The following ELANE variants were observed in gnomAD, a reference collection of about 807,000 sequenced individuals.
The protein encoded by ELANE is elastase, neutrophil expressed.
A neutral mutation model predicts 20.6 loss-of-function variants in ELANE; 12 were observed. The observed-to-expected ratio is 0.58, with a 90% CI of 0.37 to 0.94. The LOEUF (loss-of-function observed/expected upper bound fraction) is 0.94. Ranked by LOEUF, ELANE falls within the 40% of genes least tolerant of loss-of-function variation. The pLI is 0.01. For missense variants in ELANE, 388 were observed against 395.2 expected (o/e 0.98, Z 0.15); for synonymous variants, 203 against 177.4 (o/e 1.14, Z -1.15).
In ELANE at chr19:853,325, G is replaced by A. The variant is rs1428927567; in HGVS notation, c.288G>A (p.Arg96=). 6.2e-7 allele frequency: 1 copy of A among 1,610,874 alleles called. No individual in the cohort carries two copies. The highest frequency in any genetic ancestry group is 1.7e-5 in the Admixed American group (1 of 59,894). ...AHNLSRREPT[R]QVFAVQRIFE... ...ACCTCTCGCGGCGGGAGCCCACCCG[G>A]CAGGTGTTCGCCGTGCAGCGCATCT... The change falls in exon 3 of 5, where the codon CGG becomes CGA. Residue 96 remains arginine (R), a synonymous_variant. Coordinates refer to ENST00000263621, the MANE Select transcript of ELANE (RefSeq NM_001972.4).
intron 3 of ELANE, among the ~76,000 whole-genome samples, chr19:854,687 A>G (rs2035647697): frequency 6.8e-6 from 1 of 146,260 alleles, no homozygotes; most frequent in African/African-American, 2.5e-5. Flanking sequence ...ATAAATATAT[A>G]TTTTATTTAA....
In ELANE at chr19:856,008, C is replaced by T. The variant is rs765795333; in HGVS notation, c.648C>T (p.Ala216=). The T allele has an allele frequency of 4.3e-6, 7 of 1,613,420 alleles. No individual in the cohort carries two copies. In the East Asian group the frequency reaches 1.6e-4, roughly 36 times the overall value. The change falls in exon 5 of 5, where the codon GCC becomes GCT. Residue 216 remains alanine (A), a synonymous_variant. Transcript: ENST00000263621. ...LVCNGLIHGI[A]SFVRGGCASG... ...GCAACGGGCTAATCCACGGAATTGC[C>T]TCCTTCGTCCGGGGAGGCTGCGCCT...
rs2035659660 is a variant in ELANE, at chr19:855,299, T to C, written c.367-265T>C. On this transcript the variant is annotated intron_variant, in intron 3 of 4. Coordinates refer to ENST00000263621, the MANE Select transcript of ELANE (RefSeq NM_001972.4). The surrounding 1 kb of genome is among the most constrained non-coding windows in gnomAD (Gnocchi z 6.2). ...AGCCACCGCGCCCGGCTGTAGTTTT[T>C]TTGTTAACTGAGCACCTACTGCTTC... Among the ~76,000 whole-genome samples, 1 of 152,162 alleles carries C rather than the reference T, an allele frequency of 6.6e-6. No homozygotes were observed. Among genetic ancestry groups the C allele is most frequent in the African/African-American group, 2.4e-5 (1 of 41,448 alleles).
chr19:853,235 T>C, intron 2 of ELANE, 27 bp from the exon 3 acceptor site: 2 of 1,566,324 alleles, frequency 1.3e-6, no homozygotes, highest in Non-Finnish European at 1.7e-6. Flanking sequence ...GGGCCGCCCC[T>C]GAGCCCCGCC....
rs1380068567 is a variant in ELANE, at chr19:855,717, G to A, written c.520G>A (p.Val174Met). The A allele has an allele frequency of 7.5e-6, 12 of 1,609,674 alleles. No homozygotes were observed. The highest frequency in any genetic ancestry group is 1.0e-5 in the Non-Finnish European group (12 of 1,179,946). ...GIASVLQELN[V>M]TVVTSLCRRS... ...CGCCAGCGTCCTGCAGGAGCTCAAC[G>A]TGACGGTGGTGACGTCCCTCTGCCG... The change falls in exon 4 of 5, where the codon GTG (valine) becomes ATG (methionine). Residue 174 changes from valine to methionine, a missense_variant. Transcript: ENST00000263621. The surrounding 1 kb of genome is among the most constrained non-coding windows in gnomAD (Gnocchi z 6.2).
intron 3 of ELANE, among the ~76,000 whole-genome samples, chr19:854,317 G>A (rs2033878136): frequency 6.6e-6 from 1 of 151,906 alleles, no homozygotes; most frequent in Non-Finnish European, 1.5e-5. Flanking sequence ...GTGTGGTTGT[G>A]GGTGCCTGTA....
chr19:853,486 G>C lies in ELANE; in HGVS notation c.366+83G>C, dbSNP rs973474491. On this transcript the variant is annotated intron_variant, in intron 3 of 4. Transcript: ENST00000263621. ...GAGGCTGCGACGGAGGGGCGCGTCGGGGCCGCTCGTGGGGACCTGGGGTGG... is the reference window on the plus strand; with the variant it reads ...GAGGCTGCGACGGAGGGGCGCGTCGCGGCCGCTCGTGGGGACCTGGGGTGG... 18 of 1,499,882 alleles carry C rather than the reference G, an allele frequency of 1.2e-5. No homozygotes were observed. In the South Asian group the frequency reaches 2.0e-4, roughly 16 times the overall value. The allele number at this position is 1,499,882 out of a possible 1,614,324, so 92.9% of individuals were successfully genotyped here.
chr19:855,523 GC>G lies in ELANE; in HGVS notation c.367-37del, dbSNP rs2035662257. The G allele has an allele frequency of 6.3e-7, 1 of 1,586,018 alleles. No homozygotes were observed. The highest frequency in any genetic ancestry group is 8.5e-7 in the Non-Finnish European group (1 of 1,171,618). ...CGGAGAGGGGAGGGTCATCATCACT[GC>G]CCCGTGTGACGCGCTGACGATCTGT... On this transcript the variant is annotated intron_variant, in intron 3 of 4. Coordinates refer to ENST00000263621, the MANE Select transcript of ELANE (RefSeq NM_001972.4). This position sits in a 1 kb window ranked among gnomAD's most constrained non-coding sequence, Gnocchi z 6.2.
At chr19:852,474 G>A in intron 1 of ELANE, 79 bp downstream of exon 1, 1 of 1,521,456 alleles carries the variant, frequency 6.6e-7, no homozygotes, top group Admixed American at 1.9e-5. Context: ...GGCCCCACCA[G>A]TGTGGGTCCC....
At position 855,536 on chromosome 19, in the gene ELANE, C is replaced by G. The variant is rs140527601; in HGVS notation, c.367-28C>G. ...GTCATCATCACTGCCCCGTGTGACG[C>G]GCTGACGATCTGTCCCCACCGCCAC... On this transcript the variant is annotated intron_variant, in intron 3 of 4. Transcript: ENST00000263621. The surrounding 1 kb of genome is among the most constrained non-coding windows in gnomAD (Gnocchi z 6.2). 1.3e-6 allele frequency: 2 copies of G among 1,594,554 alleles called. No individual in the cohort carries two copies. Among genetic ancestry groups the G allele is most frequent in the African/African-American group, 2.7e-5 (2 of 74,828 alleles).
At chr19:852,786 G>C in intron 1 of ELANE, 90 bp from the exon 2 acceptor site, 1 of 1,503,528 alleles carries the variant, frequency 6.7e-7, no homozygotes, top group Non-Finnish European at 8.8e-7. Flanking sequence ...GGATCCCGTG[G>C]GTTCCTGGTG....
rs1258334813 is a variant in ELANE at position 853,410 on chromosome 19, C to T, written c.366+7C>T. 1 of 1,595,634 alleles carries T rather than the reference C, an allele frequency of 6.3e-7. No individual in the cohort carries two copies. The highest frequency in any genetic ancestry group is 1.1e-5 in the South Asian group (1 of 88,864). ...CGACATCGTGATTCTCCAGGTGCCGCCGGGCGGGGCGGGGGGCGCAGGGGC... is the reference window on the plus strand; with the variant it reads ...CGACATCGTGATTCTCCAGGTGCCGTCGGGCGGGGCGGGGGGCGCAGGGGC... On this transcript the variant is annotated splice_region_variant and intron_variant, in intron 3 of 4. Coordinates refer to ENST00000263621, the MANE Select transcript of ELANE (RefSeq NM_001972.4).
rs2035672360 is a variant in ELANE, at chr19:855,899, C to A, written c.598-59C>A. On this transcript the variant is annotated intron_variant, in intron 4 of 4. Transcript: ENST00000263621. The surrounding 1 kb of genome is among the most constrained non-coding windows in gnomAD (Gnocchi z 6.2). ...GGAGGGACTTCCCAACCCTGACAGG[C>A]GGCGGGCAGGTGGGCAGGGCCTCGC... 1.2e-6 allele frequency: 2 copies of A among 1,608,218 alleles called. No individual in the cohort carries two copies. Among genetic ancestry groups the A allele is most frequent in the African/African-American group, 1.3e-5 (1 of 74,894 alleles).
At position 853,042 on chromosome 19, in the gene ELANE, C is replaced by A; in HGVS notation, c.224+10C>A. ...ACTGCGTGGCGAATGTGTGAGTAGC[C>A]GGGAGTGTGCGCGCCCGGCTCGGAC... On this transcript the variant is annotated intron_variant, in intron 2 of 4. Coordinates refer to ENST00000263621, the MANE Select transcript of ELANE (RefSeq NM_001972.4). 9 of 1,449,150 alleles carry A rather than the reference C, an allele frequency of 6.2e-6. No individual in the cohort carries two copies. The highest frequency in any genetic ancestry group is 8.2e-6 in the Non-Finnish European group (9 of 1,093,884). 89.8% of individuals were successfully genotyped at this position (1,449,150 alleles called of 1,614,324 possible).
At position 853,257 on chromosome 19, in the gene ELANE, G is replaced by C. The variant is rs200503891; in HGVS notation, c.225-5G>C. 2 of 1,587,844 alleles carry C rather than the reference G, an allele frequency of 1.3e-6. No individual in the cohort carries two copies. The highest frequency in any genetic ancestry group is 1.4e-5 in the African/African-American group (1 of 73,800). On this transcript the variant is annotated splice_polypyrimidine_tract_variant and splice_region_variant and intron_variant, in intron 2 of 4. Coordinates refer to ENST00000263621, the MANE Select transcript of ELANE (RefSeq NM_001972.4). ...CCCTGAGCCCCGCCTCTCCCTCCCC[G>C]GCAGAAACGTCCGCGCGGTGCGGGT... is the stretch of plus-strand genomic sequence containing the variant.
At chr19:852,421 C>A (rs770926518) in intron 1 of ELANE, 26 bp downstream of exon 1, 1 of 1,602,732 alleles carries the variant, frequency 6.2e-7, no homozygotes, top group Non-Finnish European at 8.5e-7. Flanking sequence ...CAACCTCCCG[C>A]TGCTCCCTCT....
At chr19:853,627 C>T (rs1276435447) in intron 3 of ELANE, among the ~76,000 whole-genome samples, 3 of 152,160 alleles carry the variant, frequency 2.0e-5, no homozygotes, top group Non-Finnish European at 4.4e-5. Context: ...AGGCCCCGAT[C>T]TGCTGTCAAT....
chr19:852,775 G>C, intron 1 of ELANE, 101 bp from the exon 2 acceptor site: 2 of 1,471,356 alleles, frequency 1.4e-6, no homozygotes, highest in Non-Finnish European at 1.8e-6. Flanking sequence ...TTCCCGGTGG[G>C]GGATCCCGTG....
rs561507239 is a variant in ELANE, at chr19:855,869, C to T, written c.597+75C>T. The T allele has an allele frequency of 1.0e-5, 16 of 1,604,630 alleles. No homozygotes were observed. In the African/African-American group the frequency reaches 2.0e-4, roughly 20 times the overall value. ...TGCAGCAACAGGCACCGTGGCTAGA[C>T]CCTAGGAGGGACTTCCCAACCCTGA... On this transcript the variant is annotated intron_variant, in intron 4 of 4. Coordinates refer to ENST00000263621, the MANE Select transcript of ELANE (RefSeq NM_001972.4). The surrounding 1 kb of genome is among the most constrained non-coding windows in gnomAD (Gnocchi z 6.2).
Sources: gnomAD v4.1 joint callset for allele counts (sites outside exome capture counted in the v4.1 genomes callset) on GRCh38, gnomAD v4.1.1 for gene constraint, Gnocchi (gnomAD v3.1) non-coding constraint, MANE v1.5 for transcripts, NCBI Gene and HGNC (gene_info 2026-07-23, HGNC 2026-07-21) for gene names.